RBFOX1: variants seen among roughly 807,000 people sequenced by gnomAD.
RBFOX1 encodes the protein RNA binding fox-1 homolog 1.
RBFOX1 carries 8 observed loss-of-function variants against 57.7 expected under a neutral mutation model. The ratio of observed to expected loss-of-function variants is 0.14; its 90% CI spans 0.08 to 0.25. The LOEUF is 0.25. Ranked by LOEUF, RBFOX1 falls within the 10% of genes least tolerant of loss-of-function variation. RBFOX1 has a pLI of 1.00. For synonymous variants in RBFOX1, 326 were observed against 222.4 expected (o/e 1.47, Z -4.15); for missense variants, 611 against 548.5 (o/e 1.11, Z -1.14).
At position 6,739,418 on chromosome 16, in the gene RBFOX1, A is replaced by G. The variant is rs763247342; in HGVS notation, c.-16+84768A>G. 3.6e-4 allele frequency among the ~76,000 whole-genome samples: 55 copies of G among 152,240 alleles called. 1 individual carries two copies. Among genetic ancestry groups the G allele is most frequent in the Middle Eastern group, 3.4e-3 (1 of 294 alleles). On this transcript the variant is annotated intron_variant, in intron 3 of 15. Transcript: ENST00000550418. ...CAAACTGCAATTCACCCAATATGCA[A>G]TAGATAATTTGAATGACCCTATAAC...
At chr16:6,956,110 C>T (rs537690207) in intron 3 of RBFOX1, among the ~76,000 whole-genome samples, 1 of 152,172 alleles carries the variant, frequency 6.6e-6, no homozygotes, top group East Asian at 1.9e-4. Context: ...GAGTGAGGGC[C>T]ACAGAGGCTG....
intron 3 of RBFOX1, among the ~76,000 whole-genome samples, chr16:7,021,989 T>C (rs1597247410): frequency 3.6e-5 from 1 of 27,450 alleles, no homozygotes; most frequent in Non-Finnish European, 6.3e-5. Flanking sequence ...CCCCTCCCCT[T>C]CCCCCTCCCC....
intron 4 of RBFOX1, among the ~76,000 whole-genome samples, chr16:7,107,176 A>G (rs757442781): frequency 1.4e-4 from 22 of 152,310 alleles, no homozygotes; most frequent in Non-Finnish European, 3.1e-4. Context: ...GTGCAAAGCC[A>G]TCGAGGCTGA....
chr16:6,862,832 A>G (rs1012079488), intron 3 of RBFOX1, among the ~76,000 whole-genome samples: 2 of 152,030 alleles, frequency 1.3e-5, no homozygotes, highest in Admixed American at 6.5e-5. Context: ...TAAAAATACA[A>G]AAATTAGCCA....
chr16:7,070,835 C>G (rs1361290308), intron 4 of RBFOX1, among the ~76,000 whole-genome samples: 1 of 152,168 alleles, frequency 6.6e-6, no homozygotes, highest in African/African-American at 2.4e-5. Flanking sequence ...TGGAACCTAA[C>G]TGCACAGACA....
intron 1 of RBFOX1, among the ~76,000 whole-genome samples, chr16:5,411,773 C>T (rs912205496): frequency 1.3e-5 from 2 of 151,802 alleles, no homozygotes; most frequent in Admixed American, 6.6e-5. Context: ...GTCTCATCTA[C>T]TCTGGAGGCT....
At chr16:5,549,190 G>C (rs567614139) in intron 2 of RBFOX1, among the ~76,000 whole-genome samples, 1 of 152,324 alleles carries the variant, frequency 6.6e-6, no homozygotes, top group Admixed American at 6.5e-5. Context: ...CCATGAGCAA[G>C]TGGCAAACTT....
At chr16:6,864,102 CAAAG>C (rs1309673196) in intron 3 of RBFOX1, among the ~76,000 whole-genome samples, 3 of 150,452 alleles carry the variant, frequency 2.0e-5, no homozygotes, top group Non-Finnish European at 4.4e-5. Context: ...ATAAAAGTGA[CAAAG>C]AAGAAAGCGA....
At chr16:6,868,436 T>G (rs1359205366) in intron 3 of RBFOX1, among the ~76,000 whole-genome samples, 2 of 152,064 alleles carry the variant, frequency 1.3e-5, no homozygotes, top group Admixed American at 1.3e-4. Context: ...CAGGGCGAGG[T>G]AGGAAAGTCA....
chr16:5,806,466 G>T (rs548564817), intron 3 of RBFOX1, among the ~76,000 whole-genome samples: 1 of 152,292 alleles, frequency 6.6e-6, no homozygotes, highest in South Asian at 2.1e-4. Context: ...TGTTACAAGG[G>T]ATCAATCTAT....
intron 3 of RBFOX1, among the ~76,000 whole-genome samples, chr16:5,779,686 A>G (rs1374419838): frequency 6.6e-6 from 1 of 152,104 alleles, no homozygotes; most frequent in Non-Finnish European, 1.5e-5. Flanking sequence ...AGTTATTTTT[A>G]TAGATGCACC....
chr16:7,253,651 A>G (rs967138484), intron 4 of RBFOX1, among the ~76,000 whole-genome samples: 10 of 151,982 alleles, frequency 6.6e-5, no homozygotes, highest in African/African-American at 2.2e-4. Context: ...CATCTTGCCT[A>G]TGCTTTGACA....
At chr16:6,606,516 T>G (rs1419932786) in intron 2 of RBFOX1, among the ~76,000 whole-genome samples, 1 of 152,116 alleles carries the variant, frequency 6.6e-6, no homozygotes, top group Non-Finnish European at 1.5e-5. Flanking sequence ...ATGCTTTCCC[T>G]CCTCCTTCCC....
intron 1 of RBFOX1, among the ~76,000 whole-genome samples, chr16:6,289,912 A>C (rs1019660286): frequency 6.6e-6 from 1 of 152,152 alleles, no homozygotes; most frequent in African/African-American, 2.4e-5. Context: ...GAGAGTAGAG[A>C]AATCTGAATG....
chr16:6,431,666 G>GCCCA (rs2094089969), intron 2 of RBFOX1, among the ~76,000 whole-genome samples: 1 of 152,072 alleles, frequency 6.6e-6, no homozygotes, highest in Non-Finnish European at 1.5e-5. Flanking sequence ...AAGGACTTGG[G>GCCCA]CACTTAGTCT....
chr16:6,337,857 T>C (rs1357338213), intron 2 of RBFOX1, among the ~76,000 whole-genome samples: 1 of 152,184 alleles, frequency 6.6e-6, no homozygotes, highest in Non-Finnish European at 1.5e-5. Context: ...TATGTCTGCC[T>C]TGTGAGAAAA....
chr16:6,388,066 G>C (rs985119303), intron 2 of RBFOX1, among the ~76,000 whole-genome samples: 6 of 138,358 alleles, frequency 4.3e-5, no homozygotes, highest in African/African-American at 1.1e-4. Context: ...TGCAACCTCT[G>C]CCTCTCGGGT....
chr16:5,689,908 C>G (rs2050619325), intron 3 of RBFOX1, among the ~76,000 whole-genome samples: 1 of 152,060 alleles, frequency 6.6e-6, no homozygotes. Flanking sequence ...ACAGGATAGT[C>G]TAGGAAGGTC....
intron 3 of RBFOX1, among the ~76,000 whole-genome samples, chr16:6,929,181 A>G (rs1371275794): frequency 6.6e-6 from 1 of 152,140 alleles, no homozygotes; most frequent in African/African-American, 2.4e-5. Flanking sequence ...CAGAGCAAAC[A>G]CATTCTACTC....
Sources: allele counts gnomAD v4.1 joint callset (sites outside exome capture counted in the v4.1 genomes callset), GRCh38; gene constraint gnomAD v4.1.1; transcripts MANE v1.5; gene names NCBI Gene and HGNC (gene_info 2026-07-23, HGNC 2026-07-21).